Variants in WDR31 observed in about 807,000 individuals in gnomAD.
WDR31 encodes the protein WD repeat domain 31.
WDR31 carries 30 observed loss-of-function variants against 47.3 expected under a neutral mutation model. That is an observed-to-expected ratio of 0.63 (90% confidence interval 0.47 to 0.86). The LOEUF (loss-of-function observed/expected upper bound fraction) is 0.86, where lower values mean the gene tolerates loss of function less well. Ranked by LOEUF, WDR31 falls within the 40% of genes least tolerant of loss-of-function variation. The pLI is 0.00. For synonymous variants in WDR31, 137 were observed against 159.4 expected (o/e 0.86, Z 1.06); for missense variants, 406 against 442.9 (o/e 0.92, Z 0.75).
intron 2 of WDR31, 111 bp from the exon 3 acceptor site, chr9:113,332,161 C>T: frequency 1.4e-6 from 1 of 710,204 alleles, no homozygotes; most frequent in Non-Finnish European, 2.3e-6. Context: ...TGCTTTTCCT[C>T]CTCACCCTGC....
chr9:113,320,264 A>G (rs2118780573), intron 9 of WDR31, 93 bp downstream of exon 9: 1 of 1,498,784 alleles, frequency 6.7e-7, no homozygotes, highest in East Asian at 2.3e-5. Context: ...CCATTAGCAA[A>G]GCCCGCCTGT....
At chr9:113,326,816 C>T (rs908536093) in intron 5 of WDR31, among the ~76,000 whole-genome samples, 1 of 151,982 alleles carries the variant, frequency 6.6e-6, no homozygotes, top group Admixed American at 6.6e-5. Flanking sequence ...AATATTTTCT[C>T]TCCCAGATAA....
chr9:113,316,940 G>A (rs1833219298), intron 10 of WDR31, 31 bp from the exon 11 acceptor site: 2 of 1,608,264 alleles, frequency 1.2e-6, no homozygotes, highest in African/African-American at 1.3e-5. Flanking sequence ...AGCAGATTAG[G>A]CCAAGAGTGT....
intron 2 of WDR31, among the ~76,000 whole-genome samples, chr9:113,334,681 A>T (rs1325231331): frequency 1.4e-5 from 2 of 146,426 alleles, no homozygotes; most frequent in Non-Finnish European, 3.0e-5. Flanking sequence ...CTGGGACTAC[A>T]GGCATGCGCC....
intron 1 of WDR31, among the ~76,000 whole-genome samples, chr9:113,339,965 G>A (rs1043644625): frequency 6.6e-6 from 1 of 152,114 alleles, no homozygotes; most frequent in African/African-American, 2.4e-5. Flanking sequence ...GAACTCCTGA[G>A]CTCAGGCAAT....
At position 113,337,321 on chromosome 9, in the gene WDR31, T is replaced by C. The variant is rs1397425538; in HGVS notation, c.-181-881A>G. On this transcript the variant is annotated intron_variant, in intron 1 of 10. Transcript: ENST00000374193. ...ATGTTTTATATTTATTAACTCATTT[T>C]ATCTATTCCACAAGCCTCTGAGATA... Among the ~76,000 whole-genome samples, 4 of 152,226 alleles carry C rather than the reference T, an allele frequency of 2.6e-5. No individual in the cohort carries two copies. In the East Asian group the frequency reaches 7.7e-4, roughly 29 times the overall value.
intron 2 of WDR31, among the ~76,000 whole-genome samples, chr9:113,333,370 A>ATTTTTTTTTTT (rs60772699): frequency 3.9e-5 from 4 of 102,934 alleles, no homozygotes; most frequent in African/African-American, 1.0e-4. Context: ...TGGTTGTTGG[A>ATTTTTTTTTTT]TTTTTTTTTT....
chr9:113,314,944 A>G lies in WDR31; in HGVS notation c.*1805T>C, dbSNP rs1833157616. ...CCTGGCATTTAAAATAGCTATGTCC[A>G]GTCTTCAGAACAGCCCTGTGGCGAG... On this transcript the variant is annotated 3_prime_UTR_variant, in exon 11 of 11. Transcript: ENST00000374193. 6.6e-6 allele frequency: 1 copy of G among 152,248 alleles called. No individual in the cohort carries two copies. Among genetic ancestry groups the G allele is most frequent in the Admixed American group, 6.5e-5 (1 of 15,286 alleles). 9.4% of individuals were successfully genotyped at this position (152,248 alleles called of 1,614,324 possible).
At chr9:113,325,541 T>C (rs1833442334) in intron 5 of WDR31, among the ~76,000 whole-genome samples, 1 of 151,998 alleles carries the variant, frequency 6.6e-6, no homozygotes, top group African/African-American at 2.4e-5. Context: ...CCTCTGTATA[T>C]GTATTAATAT....
chr9:113,321,570 G>A lies in WDR31; in HGVS notation c.579C>T (p.His193=). The A allele has an allele frequency of 6.2e-7, 1 of 1,614,124 alleles. No homozygotes were observed. Among genetic ancestry groups the A allele is most frequent in the Non-Finnish European group, 8.5e-7 (1 of 1,180,000 alleles). Residue 193 remains histidine, a synonymous_variant, in exon 8 of 11, where the codon CAC becomes CAT. Transcript: ENST00000374193. ...ATGGTTCTCTGGGGACCCAGCACAG[G>A]TGAGTGACCTAGAAAAAGCAAAATG... ...RASVSRNVVT[H]LCWVPREPYI...
chr9:113,318,713 C>G, intron 9 of WDR31, 76 bp from the exon 10 acceptor site: 2 of 1,488,950 alleles, frequency 1.3e-6, no homozygotes, highest in Non-Finnish European at 1.9e-6. Context: ...CCCCCTACCC[C>G]CATGATGCAC....
At chr9:113,323,682 T>C (rs1039472504) in intron 5 of WDR31, among the ~76,000 whole-genome samples, 1 of 152,248 alleles carries the variant, frequency 6.6e-6, no homozygotes, top group African/African-American at 2.4e-5. Flanking sequence ...GTAGCAGATT[T>C]CCTCCTGTCC....
intron 2 of WDR31, among the ~76,000 whole-genome samples, chr9:113,335,311 G>A (rs1233510862): frequency 6.6e-6 from 1 of 152,152 alleles, no homozygotes; most frequent in African/African-American, 2.4e-5. Flanking sequence ...AACATTTGCT[G>A]GGACCGAAGG....
At chr9:113,321,665 G>T in intron 7 of WDR31, 87 bp from the exon 8 acceptor site, 1 of 1,280,884 alleles carries the variant, frequency 7.8e-7, no homozygotes, top group Non-Finnish European at 1.1e-6. Context: ...TAGCATCACT[G>T]TGCCTCTTCT....
chr9:113,331,812 G>A, intron 3 of WDR31, 95 bp downstream of exon 3: 2 of 1,126,664 alleles, frequency 1.8e-6, no homozygotes, highest in South Asian at 1.3e-5. Context: ...ATTCAGGGAA[G>A]GCCATCAACA....
At position 113,322,679 on chromosome 9, in the gene WDR31, C is replaced by A. The variant is rs1833349857; in HGVS notation, c.570+132G>T. Reference sequence around the variant, plus strand: ...ACCCTGAGAGGCCAGGGTCTCACAGCAGGTTAGGGGACAGCAATTGGGACC... The same window carrying A: ...ACCCTGAGAGGCCAGGGTCTCACAGAAGGTTAGGGGACAGCAATTGGGACC... On this transcript the variant is annotated intron_variant, in intron 7 of 10. Coordinates refer to ENST00000374193, the MANE Select transcript of WDR31 (RefSeq NM_001012361.4). 23 of 749,428 alleles carry A rather than the reference C, an allele frequency of 3.1e-5. No individual in the cohort carries two copies. In the South Asian group the frequency reaches 4.4e-4, roughly 14 times the overall value. 46.4% of individuals were successfully genotyped at this position (749,428 alleles called of 1,614,324 possible).
intron 9 of WDR31, 99 bp from the exon 10 acceptor site, chr9:113,318,736 C>T: frequency 1.5e-6 from 2 of 1,290,616 alleles, no homozygotes; most frequent in South Asian, 1.3e-5. Context: ...ATTCCCTCCA[C>T]TTACCTGCTC....
intron 7 of WDR31, 117 bp downstream of exon 7, chr9:113,322,694 C>T: frequency 1.0e-6 from 1 of 969,274 alleles, no homozygotes; most frequent in Non-Finnish European, 1.5e-6. Context: ...TAGGGGACAG[C>T]AATTGGGACC....
intron 5 of WDR31, among the ~76,000 whole-genome samples, chr9:113,324,824 ATATATGTGTGTGTGTGTGTG>A (rs1224253521): frequency 3.2e-5 from 3 of 93,094 alleles, no homozygotes; most frequent in African/African-American, 9.8e-5. Context: ...TGCTATATAT[ATATATGTGTGTGTGTGTGTG>A]TGTGTGTGTG....
Sources: gnomAD v4.1 joint callset for allele counts (sites outside exome capture counted in the v4.1 genomes callset) on GRCh38, gnomAD v4.1.1 for gene constraint, MANE v1.5 for transcripts, NCBI Gene and HGNC (gene_info 2026-07-23, HGNC 2026-07-21) for gene names.